NABP2: variants seen among roughly 807,000 people sequenced by gnomAD.
NABP2 encodes the protein SOSS complex subunit B1.
In NABP2, 7 loss-of-function variants were observed where a neutral mutation model predicts 22.7. The observed-to-expected ratio is 0.31, with a 90% CI of 0.18 to 0.58. The LOEUF is 0.58. Among genes scored for constraint, NABP2 ranks in the 20% least tolerant of loss-of-function variants. The pLI, the probability that NABP2 is intolerant of heterozygous loss-of-function variation, is 0.89. For synonymous variants in NABP2, 107 were observed against 99.2 expected, an observed-to-expected ratio of 1.08 and a Z score of -0.47; for missense variants, 188 against 265.9, an observed-to-expected ratio of 0.71 and a Z score of 2.04.
rs1335747744 is a variant in NABP2, at chr12:56,226,272, G to A, written c.372+12G>A. Reference sequence around the variant, plus strand: ...CACCCAACAAGGCGGTGAGTCCTGTGGCCACAATGGTGGGAAAGGAGGGCA... The same window carrying A: ...CACCCAACAAGGCGGTGAGTCCTGTAGCCACAATGGTGGGAAAGGAGGGCA... On this transcript the variant is annotated intron_variant, in intron 5 of 6. Transcript: ENST00000267023. The A allele has an allele frequency of 6.2e-7, 1 of 1,614,102 alleles. No individual in the cohort carries two copies.
chr12:56,229,087 T>TTGCGGG lies in NABP2; in HGVS notation c.510_511insTGCGGG (p.Thr170_Pro171insCysGly). ...GTGGTGGCCCACATCCCCCTCATAC[T>TTGCGGG]CCCTCCCACCCACCCAGCACCCGAA... is the stretch of plus-strand genomic sequence containing the variant. On this transcript the variant is annotated inframe_insertion, in exon 7 of 7. Transcript: ENST00000267023. 6.6e-7 allele frequency: 1 copy of TTGCGGG among 1,512,338 alleles called. No individual in the cohort carries two copies. Among genetic ancestry groups the TTGCGGG allele is most frequent in the Non-Finnish European group, 9.1e-7 (1 of 1,102,008 alleles). 93.7% of individuals were successfully genotyped at this position (1,512,338 alleles called of 1,614,324 possible).
In NABP2 at chr12:56,224,562, CCT is replaced by C. The variant is rs892027569; in HGVS notation, c.-24+122_-24+123del. ...CTGGCTGTGCACCGGGTTCCCTACC[CCT>C]GTCTACGTCGGCTCCGCCACTTCGC... On this transcript the variant is annotated intron_variant, in intron 1 of 6. Transcript: ENST00000267023. 4 of 1,223,624 alleles carry C rather than the reference CCT, an allele frequency of 3.3e-6. No individual in the cohort carries two copies. The African/African-American group carries it at 4.5e-5, about 14-fold the overall frequency. 75.8% of individuals were successfully genotyped at this position (1,223,624 alleles called of 1,614,324 possible). A position where few individuals can be genotyped will look rare whatever the true frequency, so the allele number is the denominator to read the frequency against.
At chr12:56,222,953 T>C (rs1869566223), upstream of NABP2, among the ~76,000 whole-genome samples, 1 of 152,174 alleles carries the variant, frequency 6.6e-6, no homozygotes, top group Admixed American at 6.5e-5. Flanking sequence ...AAGAGTAGTA[T>C]GGCCGGGCGC....
rs893024249 is a variant in NABP2, at chr12:56,226,394, C to T, written c.411C>T (p.Thr137=). The change falls in exon 6 of 7, where the codon ACC becomes ACT. Residue 137 remains threonine (T), a synonymous_variant. Coordinates refer to ENST00000267023, the MANE Select transcript of NABP2 (RefSeq NM_024068.4). ...GCAACCCTTCAGCTTCCCAGCCTAC[C>T]ACTGGACCCTCTGCTGCCTCTCCAG... ...NDSNPSASQP[T]TGPSAASPAS... 3 of 1,613,402 alleles carry T rather than the reference C, an allele frequency of 1.9e-6. No homozygotes were observed. Among genetic ancestry groups the T allele is most frequent in the Non-Finnish European group, 2.5e-6 (3 of 1,180,010 alleles).
At chr12:56,223,776 A>G (rs1318404230), upstream of NABP2, 2 of 152,212 alleles carry the variant, frequency 1.3e-5, no homozygotes, top group Non-Finnish European at 2.9e-5. Flanking sequence ...TTTTTTAAAT[A>G]TAACTTCCGT....
At chr12:56,224,789 C>T in intron 1 of NABP2, 45 bp from the exon 2 acceptor site, 1 of 1,528,798 alleles carries the variant, frequency 6.5e-7, no homozygotes, top group Non-Finnish European at 9.0e-7. Context: ...AGCATGGGGG[C>T]AAAGGATCCA....
At chr12:56,224,770 G>T in intron 1 of NABP2, 64 bp from the exon 2 acceptor site, 1 of 1,417,470 alleles carries the variant, frequency 7.1e-7, no homozygotes. Context: ...GGTAGGCCTT[G>T]GGAAGTGGAG....
intron 6 of NABP2, 138 bp downstream of exon 6, chr12:56,226,557 C>CCTTT: frequency 2.6e-5 from 7 of 271,334 alleles, no homozygotes; most frequent in East Asian, 8.9e-5. Context: ...TCCCAGACCC[C>CCTTT]TTTTTTTTTT....
At position 56,229,087 on chromosome 12, in the gene NABP2, T is replaced by TGCC; in HGVS notation, c.510_511insGCC (p.Thr170_Pro171insAla). On this transcript the variant is annotated inframe_insertion, in exon 7 of 7. Coordinates refer to ENST00000267023, the MANE Select transcript of NABP2 (RefSeq NM_024068.4). The stretch of plus-strand genomic sequence containing the variant: ...GTGGTGGCCCACATCCCCCTCATAC[T>TGCC]CCCTCCCACCCACCCAGCACCCGAA... The TGCC allele has an allele frequency of 1.9e-5, 28 of 1,512,260 alleles. No individual in the cohort carries two copies. Among genetic ancestry groups the TGCC allele is most frequent in the Non-Finnish European group, 2.3e-5 (25 of 1,101,952 alleles). 93.7% of individuals were successfully genotyped at this position (1,512,260 alleles called of 1,614,324 possible).
chr12:56,229,214 C>G lies in NABP2; in HGVS notation c.*1C>G. On this transcript the variant is annotated 3_prime_UTR_variant, in exon 7 of 7. Coordinates refer to ENST00000267023, the MANE Select transcript of NABP2 (RefSeq NM_024068.4). The stretch of plus-strand genomic sequence containing the variant: ...AACCCGGAGGAGCAGCAAGAGATAG[C>G]ATGACATTCTTTCTTCCTGCCACCA... 6.2e-7 allele frequency: 1 copy of G among 1,612,018 alleles called. No individual in the cohort carries two copies. Among genetic ancestry groups the G allele is most frequent in the Non-Finnish European group, 8.5e-7 (1 of 1,179,926 alleles).
At chr12:56,224,489 T>A in intron 1 of NABP2, 48 bp downstream of exon 1, 3 of 1,067,756 alleles carry the variant, frequency 2.8e-6, no homozygotes, top group Non-Finnish European at 3.4e-6. Flanking sequence ...GAGTCCCGGC[T>A]TGTCGGGATG....
In NABP2 at chr12:56,225,388, C is replaced by T. The variant is rs764310478; in HGVS notation, c.95C>T (p.Thr32Ile). 6.2e-7 allele frequency: 1 copy of T among 1,614,190 alleles called. No individual in the cohort carries two copies. The highest frequency in any genetic ancestry group is 2.2e-5 in the East Asian group (1 of 44,886). ...IVLETGRVTK[T>I]KDGHEVRTCK... Reference sequence around the variant, plus strand: ...TTCCGTTCAGGCCGAGTGACCAAGACAAAGGACGGGCATGAGGTTCGGACC... The same window carrying T: ...TTCCGTTCAGGCCGAGTGACCAAGATAAAGGACGGGCATGAGGTTCGGACC... Residue 32 changes from threonine to isoleucine, a missense_variant, in exon 3 of 7, where the codon ACA becomes ATA. Coordinates refer to ENST00000267023, the MANE Select transcript of NABP2 (RefSeq NM_024068.4).
chr12:56,228,248 T>G (rs1161875067), intron 6 of NABP2, among the ~76,000 whole-genome samples: 5 of 152,158 alleles, frequency 3.3e-5, no homozygotes, highest in African/African-American at 1.2e-4. Context: ...GTTATCTATA[T>G]TTTCTAAAAT....
intron 2 of NABP2, 59 bp downstream of exon 2, chr12:56,224,994 C>A (rs1163729905): frequency 7.9e-7 from 1 of 1,267,642 alleles, no homozygotes. Context: ...AGGGGAAGAA[C>A]GCTGTCTGCG....
intron 6 of NABP2, among the ~76,000 whole-genome samples, chr12:56,228,127 G>A (rs963396574): frequency 6.6e-6 from 1 of 152,094 alleles, no homozygotes. Flanking sequence ...GGGAGGCGGA[G>A]GTTGTAGTGA....
Position 56,225,288 on chromosome 12 carries a change from A to G in NABP2, c.80-85A>G, listed in dbSNP as rs576971880. On this transcript the variant is annotated intron_variant, in intron 2 of 6. Coordinates refer to ENST00000267023, the MANE Select transcript of NABP2 (RefSeq NM_024068.4). ...GTTTGTACACCTTTTCCCTCATTCC[A>G]CCAATATCCACATCTCATCCTTCTG... is the stretch of plus-strand genomic sequence containing the variant. 2,616 of 1,562,198 alleles carry G rather than the reference A, an allele frequency of 1.7e-3. 10 individuals carry two copies. The highest frequency in any genetic ancestry group is 5.2e-3 in the Middle Eastern group (31 of 5,930).
In NABP2 at chr12:56,224,420, A is replaced by G. The variant is rs1342074763; in HGVS notation, c.-45A>G. On this transcript the variant is annotated 5_prime_UTR_variant, in exon 1 of 7. Coordinates refer to ENST00000267023, the MANE Select transcript of NABP2 (RefSeq NM_024068.4). ...CCCTGCGGGCTGCTCAGCGGCGTGC[A>G]CAGTCCTGCCGGCTGGCTTGGGTGG... 1.2e-5 allele frequency: 12 copies of G among 1,010,336 alleles called. No homozygotes were observed. The highest frequency in any genetic ancestry group is 1.4e-5 in the Non-Finnish European group (12 of 841,494). 62.6% of individuals were successfully genotyped at this position (1,010,336 alleles called of 1,614,324 possible).
chr12:56,228,204 T>A (rs902647764), intron 6 of NABP2, among the ~76,000 whole-genome samples: 5 of 151,952 alleles, frequency 3.3e-5, no homozygotes, highest in African/African-American at 7.3e-5. Flanking sequence ...AAAAAATAAA[T>A]AAATAAAAAA....
At position 56,229,152 on chromosome 12, in the gene NABP2, C is replaced by T. The variant is rs1201368841; in HGVS notation, c.575C>T (p.Pro192Leu). 1 of 1,612,556 alleles carries T rather than the reference C, an allele frequency of 6.2e-7. No homozygotes were observed. The highest frequency in any genetic ancestry group is 1.1e-5 in the South Asian group (1 of 90,984). The change falls in exon 7 of 7, where the codon CCT becomes CTT. Residue 192 changes from proline (P) to leucine (L), a missense_variant. By Grantham distance (98) the Pro-to-Leu change is moderately conservative. Transcript: ENST00000267023. ...CCCAACCACACACCTGCAGGCCCGCCTGGCCCTTCCAGCAACCCTGTTAGT... is the reference window on the plus strand; with the variant it reads ...CCCAACCACACACCTGCAGGCCCGCTTGGCCCTTCCAGCAACCCTGTTAGT... ...SQPNHTPAGP[P>L]GPSSNPVSNG...
Sources: gnomAD v4.1 joint callset for allele counts (sites outside exome capture counted in the v4.1 genomes callset) on GRCh38, gnomAD v4.1.1 for gene constraint, MANE v1.5 for transcripts, NCBI Gene and HGNC (gene_info 2026-07-23, HGNC 2026-07-21) for gene names.